NDE1: variants seen among roughly 807,000 people sequenced by gnomAD.
The protein encoded by NDE1 is nuclear distribution protein nudE homolog 1.
In NDE1, 28 loss-of-function variants were observed where a neutral mutation model predicts 43.4. The observed-to-expected ratio is 0.65, with a 90% CI of 0.48 to 0.89. The LOEUF is 0.89. Among genes scored for constraint, NDE1 ranks in the 40% least tolerant of loss-of-function variants. The pLI, the probability that NDE1 is intolerant of heterozygous loss-of-function variation, is 0.00. For synonymous variants in NDE1, 184 were observed against 172.0 expected (o/e 1.07, Z -0.55); for missense variants, 441 against 434.1 (o/e 1.02, Z -0.14).
intron 1 of NDE1, among the ~76,000 whole-genome samples, chr16:15,656,543 A>G (rs1031943091): frequency 2.0e-5 from 3 of 151,076 alleles, no homozygotes; most frequent in Non-Finnish European, 4.4e-5. Flanking sequence ...TATTATTATT[A>G]CTCTTTTCTT....
intron 3 of NDE1, among the ~76,000 whole-genome samples, chr16:15,669,360 A>ATTT (rs1187758200): frequency 3.2e-5 from 4 of 125,554 alleles, no homozygotes; most frequent in Admixed American, 8.1e-5. Context: ...CGCCTGGCTA[A>ATTT]TTTTTTTTTT....
At chr16:15,671,379 G>A (rs998222900) in intron 3 of NDE1, among the ~76,000 whole-genome samples, 6 of 152,068 alleles carry the variant, frequency 3.9e-5, no homozygotes, top group African/African-American at 1.2e-4. Context: ...ACATGGTAGT[G>A]CACACCTGTA....
intron 8 of NDE1, among the ~76,000 whole-genome samples, chr16:15,723,242 T>C (rs930249141): frequency 9.2e-5 from 14 of 152,230 alleles, no homozygotes; most frequent in African/African-American, 3.4e-4. Context: ...AAAAATAAAC[T>C]CTAATTAATA....
chr16:15,700,428 G>A (rs988137087), intron 8 of NDE1: 1 of 149,284 alleles, frequency 6.7e-6, no homozygotes, highest in African/African-American at 2.5e-5. Context: ...CCAAGCGGAG[G>A]TCCTGATTGG....
intron 3 of NDE1, 61 bp from the exon 4 acceptor site, chr16:15,677,740 A>G (rs2037959903): frequency 6.3e-7 from 1 of 1,594,030 alleles, no homozygotes. Context: ...GATGTGTGCT[A>G]CTGTGTCTAG....
intron 1 of NDE1, among the ~76,000 whole-genome samples, chr16:15,658,255 A>T (rs1380577578): frequency 1.3e-5 from 2 of 152,250 alleles, no homozygotes; most frequent in African/African-American, 4.8e-5. Context: ...CATTTTTGAC[A>T]GCTATGCAAA....
chr16:15,689,762 A>C (rs950288625), intron 5 of NDE1, among the ~76,000 whole-genome samples: 11 of 152,048 alleles, frequency 7.2e-5, no homozygotes, highest in Non-Finnish European at 4.4e-5. Flanking sequence ...CAACATGGTG[A>C]AACCCTGTGT....
chr16:15,692,863 A>C (rs1261278566), intron 6 of NDE1, among the ~76,000 whole-genome samples: 1 of 151,878 alleles, frequency 6.6e-6, no homozygotes, highest in African/African-American at 2.4e-5. Flanking sequence ...CAGCCTCCTG[A>C]GTAGCTGGGA....
rs200522079 is a variant in NDE1, at chr16:15,715,087, G to A, written c.948-9104G>A. The stretch of plus-strand genomic sequence containing the variant: ...CTGGCATTGCCTTTCTCTGCCTGTC[G>A]CGGAGAGTTGGAGGGGTGGTTAGGG... On this transcript the variant is annotated intron_variant, in intron 8 of 8. Transcript: ENST00000396354. 3.5e-5 allele frequency: 57 copies of A among 1,612,656 alleles called. No individual in the cohort carries two copies. In the East Asian group the frequency reaches 7.1e-4, roughly 20 times the overall value.
At chr16:15,715,156 G>C in intron 8 of NDE1, 1 of 1,613,354 alleles carries the variant, frequency 6.2e-7, no homozygotes, top group Non-Finnish European at 8.5e-7. Context: ...CTGGGTGGCA[G>C]GGGCTACCTG....
chr16:15,662,280 C>CTTTTTT (rs774915905), intron 1 of NDE1, among the ~76,000 whole-genome samples: 33 of 124,962 alleles, frequency 2.6e-4, no homozygotes, highest in East Asian at 4.7e-4. Context: ...TTTCTCTTTT[C>CTTTTTT]TTTTTTTTTT....
intron 2 of NDE1, among the ~76,000 whole-genome samples, chr16:15,665,867 T>C (rs8045726): frequency 0.72 from 109,923 of 151,638 alleles, 40,689 homozygotes; most frequent in African/African-American, 0.9. Flanking sequence ...ATCGATTCTC[T>C]TGCCTCAGCC....
chr16:15,651,657 G>A (rs1403707609), intron 1 of NDE1: 1 of 152,084 alleles, frequency 6.6e-6, no homozygotes, highest in Non-Finnish European at 1.5e-5. Context: ...TAGCCAGGAT[G>A]GTCTCGATTT....
intron 8 of NDE1, chr16:15,717,443 C>T (rs562949950): frequency 1.7e-5 from 23 of 1,325,440 alleles, no homozygotes; most frequent in South Asian, 1.2e-4. Flanking sequence ...GGCCTCTGCA[C>T]GAGTCCCTTG....
In NDE1 at chr16:15,725,101, T is replaced by C; in HGVS notation, c.*850T>C. 1.2e-6 allele frequency: 1 copy of C among 835,574 alleles called. No homozygotes were observed. Among genetic ancestry groups the C allele is most frequent in the Non-Finnish European group, 2.0e-6 (1 of 505,986 alleles). The allele number at this position is 835,574 out of a possible 1,614,324, so 51.8% of individuals were successfully genotyped here. The stretch of plus-strand genomic sequence containing the variant: ...GGCTAGTACTTGAGGTGTTCACTGA[T>C]TGAGAAAATACCCGTGAGGTATGGG... On this transcript the variant is annotated 3_prime_UTR_variant, in exon 9 of 9. Transcript: ENST00000396354.
chr16:15,718,457 TG>T, intron 8 of NDE1: 1 of 1,545,300 alleles, frequency 6.5e-7, no homozygotes, highest in Non-Finnish European at 8.7e-7. Flanking sequence ...AGGGCGGCCA[TG>T]GTGGGGGCCT....
rs1422036580 is a variant in NDE1, at chr16:15,714,753, C to CACT, written c.948-9436_948-9434dup. The CACT allele has an allele frequency of 4.1e-6, 4 of 985,224 alleles. No individual in the cohort carries two copies. In the African/African-American group the frequency reaches 6.4e-5, roughly 16 times the overall value. The allele number at this position is 985,224 out of a possible 1,614,324, so 61.0% of individuals were successfully genotyped here. A position where few individuals can be genotyped will look rare whatever the true frequency, so the allele number is the denominator to read the frequency against. On this transcript the variant is annotated intron_variant, in intron 8 of 8. Coordinates refer to ENST00000396354, the MANE Select transcript of NDE1 (RefSeq NM_017668.3). ...GGGTCTGATCTCAGTGCCTGGCCCA[C>CACT]ACTAAGCTTAGTGATTAAGGAGAAG... is the stretch of plus-strand genomic sequence containing the variant.
At chr16:15,671,315 G>A (rs2037579330) in intron 3 of NDE1, among the ~76,000 whole-genome samples, 1 of 152,006 alleles carries the variant, frequency 6.6e-6, no homozygotes, top group African/African-American at 2.4e-5. Context: ...GCCAGCCTGG[G>A]CAACATAGCG....
chr16:15,721,262 C>T (rs2040463068), intron 8 of NDE1: 1 of 966,860 alleles, frequency 1.0e-6, no homozygotes, highest in East Asian at 2.6e-5. Flanking sequence ...CTGCCATTCT[C>T]AGCCCCTCCC....
Sources: gnomAD v4.1 joint callset for allele counts (sites outside exome capture counted in the v4.1 genomes callset) on GRCh38, gnomAD v4.1.1 for gene constraint, MANE v1.5 for transcripts, NCBI Gene and HGNC (gene_info 2026-07-23, HGNC 2026-07-21) for gene names.